Variants in NCK2 observed in about 807,000 individuals in gnomAD.
The protein encoded by NCK2 is NCK adaptor protein 2.
Under a neutral mutation model 33.9 loss-of-function variants are expected in NCK2, and 16 were observed. That is an observed-to-expected ratio of 0.47 (90% CI 0.32 to 0.72). The LOEUF (loss-of-function observed/expected upper bound fraction) is 0.72. Among genes scored for constraint, NCK2 ranks in the 30% least tolerant of loss-of-function variants. The pLI is 0.03. For missense variants in NCK2, 418 were observed against 537.3 expected, an observed-to-expected ratio of 0.78 and a Z score of 2.19; for synonymous variants, 273 against 239.9, an observed-to-expected ratio of 1.14 and a Z score of -1.27.
intron 2 of NCK2, among the ~76,000 whole-genome samples, chr2:105,841,531 G>C (rs1449338699): frequency 6.6e-6 from 1 of 152,120 alleles, no homozygotes; most frequent in Non-Finnish European, 1.5e-5. Context: ...CTGTCTTTTT[G>C]GGTTTTTATG....
intron 2 of NCK2, among the ~76,000 whole-genome samples, chr2:105,825,016 G>A (rs1675888041): frequency 6.6e-6 from 1 of 152,220 alleles, no homozygotes; most frequent in South Asian, 2.1e-4. Context: ...TGTTGGCTGA[G>A]TGGGGCCAGG....
chr2:105,823,258 T>G (rs1675817326), intron 2 of NCK2, among the ~76,000 whole-genome samples: 1 of 151,776 alleles, frequency 6.6e-6, no homozygotes, highest in Non-Finnish European at 1.5e-5. Context: ...GAGAATACTT[T>G]CTGGGATTAC....
rs1488444955 is a variant in NCK2, at chr2:105,843,578, AGAAACAAACGAACGAACACTCGCAGT to A, written c.-16-11467_-16-11442del. On this transcript the variant is annotated intron_variant, in intron 2 of 4. Coordinates refer to ENST00000233154, the MANE Select transcript of NCK2 (RefSeq NM_003581.5). ...TGCCAGAAAGTAAGGATGTGCTCAA[AGAAACAAACGAACGAACACTCGCAGT>A]GATGGTGATACGTCACAGGGACACA... is the stretch of plus-strand genomic sequence containing the variant. 2.0e-5 allele frequency among the ~76,000 whole-genome samples: 3 copies of A among 152,214 alleles called. No individual in the cohort carries two copies. In the East Asian group the frequency reaches 5.8e-4, roughly 29 times the overall value.
chr2:105,789,237 G>T (rs1338104235), intron 1 of NCK2, among the ~76,000 whole-genome samples: 6 of 151,972 alleles, frequency 3.9e-5, no homozygotes, highest in African/African-American at 1.2e-4. Context: ...GACCAGGCTG[G>T]AGTGTAGTGG....
At chr2:105,751,743 G>C (rs1327972371) in intron 1 of NCK2, among the ~76,000 whole-genome samples, 1 of 152,198 alleles carries the variant, frequency 6.6e-6, no homozygotes, top group Non-Finnish European at 1.5e-5. Flanking sequence ...CCAGCTCTCT[G>C]TCATGGGAGG....
In NCK2 at chr2:105,816,077, A is replaced by G. The variant is rs76973129; in HGVS notation, c.-200-353A>G. On this transcript the variant is annotated intron_variant, in intron 1 of 4. Coordinates refer to ENST00000233154, the MANE Select transcript of NCK2 (RefSeq NM_003581.5). ...AATGAAAGGTGGGAAGAGGGAGTACATGTGTGTTGATGGAGGTCTTTAGGC... is the reference window on the plus strand; with the variant it reads ...AATGAAAGGTGGGAAGAGGGAGTACGTGTGTGTTGATGGAGGTCTTTAGGC... Among the ~76,000 whole-genome samples, 790 of 152,200 alleles carry G rather than the reference A, an allele frequency of 5.2e-3. 7 individuals carry two copies. The highest frequency in any genetic ancestry group is 0.018 in the African/African-American group (750 of 41,522).
intron 1 of NCK2, among the ~76,000 whole-genome samples, chr2:105,779,106 T>G (rs1259920951): frequency 2.6e-5 from 4 of 152,002 alleles, no homozygotes; most frequent in Admixed American, 2.6e-4. Flanking sequence ...CATGAGTTTT[T>G]GGCCAGCCTG....
intron 3 of NCK2, among the ~76,000 whole-genome samples, chr2:105,867,884 A>G (rs1677825000): frequency 6.6e-6 from 1 of 152,250 alleles, no homozygotes; most frequent in Admixed American, 6.5e-5. Flanking sequence ...CGTGAACCAA[A>G]TATGCCAGGG....
At chr2:105,831,410 C>CTTTTTTTTTTTTTTTT (rs56247904) in intron 2 of NCK2, among the ~76,000 whole-genome samples, 3 of 144,846 alleles carry the variant, frequency 2.1e-5, no homozygotes, top group Non-Finnish European at 3.0e-5. Context: ...AGCATGATAT[C>CTTTTTTTTTTTTTTTT]TTTTTTTTTT....
At chr2:105,767,117 G>A (rs751879373) in intron 1 of NCK2, among the ~76,000 whole-genome samples, 1 of 152,164 alleles carries the variant, frequency 6.6e-6, no homozygotes, top group Non-Finnish European at 1.5e-5. Context: ...TCTCTCTGGA[G>A]CCAGGGAGGC....
intron 2 of NCK2, among the ~76,000 whole-genome samples, chr2:105,825,907 T>A (rs558310375): frequency 3.0e-4 from 46 of 152,288 alleles, no homozygotes; most frequent in South Asian, 1.2e-3. Context: ...ATCCGTCAGG[T>A]TTGGAGTTCC....
intron 4 of NCK2, among the ~76,000 whole-genome samples, chr2:105,888,983 C>G (rs558732303): frequency 3.9e-5 from 6 of 152,294 alleles, no homozygotes; most frequent in Non-Finnish European, 8.8e-5. Context: ...TACTCTAGTA[C>G]TTGTTGAGGA....
At chr2:105,872,724 G>C (rs1269940620) in intron 3 of NCK2, among the ~76,000 whole-genome samples, 1 of 152,222 alleles carries the variant, frequency 6.6e-6, no homozygotes, top group African/African-American at 2.4e-5. Context: ...ATTCATGGCA[G>C]AGCCAAGGGA....
chr2:105,764,878 T>A (rs56102314), intron 1 of NCK2, among the ~76,000 whole-genome samples: 23 of 152,344 alleles, frequency 1.5e-4, no homozygotes, highest in African/African-American at 5.5e-4. Context: ...AAATCCTTTT[T>A]TTCCATGTTG....
chr2:105,786,639 G>A (rs943905888), intron 1 of NCK2, among the ~76,000 whole-genome samples: 4 of 152,220 alleles, frequency 2.6e-5, no homozygotes, highest in Admixed American at 2.0e-4. Flanking sequence ...GGCCTGATAA[G>A]CACTGTGTCC....
intron 2 of NCK2, among the ~76,000 whole-genome samples, chr2:105,817,015 C>A (rs191274967): frequency 1.3e-5 from 2 of 152,096 alleles, no homozygotes; most frequent in Non-Finnish European, 2.9e-5. Context: ...GAAGATAAAT[C>A]TGTGTCAAAG....
intron 3 of NCK2, among the ~76,000 whole-genome samples, chr2:105,874,166 A>G (rs1330562791): frequency 6.6e-6 from 1 of 152,188 alleles, no homozygotes; most frequent in Non-Finnish European, 1.5e-5. Context: ...TTTTCCCTTT[A>G]CCTATTGAAA....
At chr2:105,830,733 AT>A (rs1676153142) in intron 2 of NCK2, among the ~76,000 whole-genome samples, 1 of 118,472 alleles carries the variant, frequency 8.4e-6, no homozygotes. Context: ...TGATAATACC[AT>A]TCTCATTGAG....
rs191896781 is a variant in NCK2, at chr2:105,887,679, A to G, written c.949-5303A>G. 3.9e-5 allele frequency among the ~76,000 whole-genome samples: 6 copies of G among 152,346 alleles called. No individual in the cohort carries two copies. The East Asian group carries it at 1.2e-3, about 29-fold the overall frequency. ...TAAGCTTTCAGGAATGGAGGAGGAA[A>G]TAAAGGATATTAAAGTCTGTCCTCG... On this transcript the variant is annotated intron_variant, in intron 4 of 4. Transcript: ENST00000233154.
Sources: allele counts gnomAD v4.1 joint callset (sites outside exome capture counted in the v4.1 genomes callset), GRCh38; gene constraint gnomAD v4.1.1; transcripts MANE v1.5; gene names NCBI Gene and HGNC (gene_info 2026-07-23, HGNC 2026-07-21).